Variants in ATG4A observed in about 807,000 individuals in gnomAD.
ATG4A encodes cysteine protease ATG4A.
Under a neutral mutation model 38.4 loss-of-function variants are expected in ATG4A, and 22 were observed. That is an observed-to-expected ratio of 0.57 (90% CI 0.41 to 0.82). The LOEUF is 0.82. Ranked by LOEUF, ATG4A falls within the 40% of genes least tolerant of loss-of-function variation. The pLI, the probability that ATG4A is intolerant of heterozygous loss-of-function variation, is 0.00. For synonymous variants in ATG4A, 86 were observed against 100.7 expected, an observed-to-expected ratio of 0.85 and a Z score of 0.88; for missense variants, 220 against 290.0, an observed-to-expected ratio of 0.76 and a Z score of 1.75.
rs1204358737 is a variant in ATG4A, at chrX:108,091,839, A to G, written c.10+3A>G. ...TGACAGCTGGAGAATGGAGTCAGGT[A>G]CGGGGAGCGGCTTTGAGTGGAACCG... On this transcript the variant is annotated splice_donor_region_variant and intron_variant, in intron 1 of 12. Coordinates refer to ENST00000372232, the MANE Select transcript of ATG4A (RefSeq NM_052936.5). 3.3e-6 allele frequency: 4 copies of G among 1,211,676 alleles called. No homozygotes were observed. Among genetic ancestry groups the G allele is most frequent in the Non-Finnish European group, 4.5e-6 (4 of 895,504 alleles).
intron 4 of ATG4A, among the ~76,000 whole-genome samples, chrX:108,131,724 C>G (rs900139880): frequency 8.9e-6 from 1 of 111,793 alleles, no homozygotes; most frequent in Non-Finnish European, 1.9e-5. Context: ...TTCTTGACCT[C>G]ATTTAAGATA....
intron 2 of ATG4A, among the ~76,000 whole-genome samples, 197 bp from the exon 3 acceptor site, chrX:108,128,584 A>C (rs2147999394): frequency 8.9e-6 from 1 of 111,855 alleles, no homozygotes; most frequent in African/African-American, 3.2e-5. Context: ...CCAGTCAAAT[A>C]GCTCTGGTCA....
intron 1 of ATG4A, among the ~76,000 whole-genome samples, chrX:108,115,589 C>T (rs1376200038): frequency 8.9e-6 from 1 of 112,342 alleles, no homozygotes; most frequent in Admixed American, 9.4e-5. Context: ...CTTTTCATTG[C>T]TATGTAGCAT....
At chrX:108,150,695 A>G (rs768661562) in intron 10 of ATG4A, among the ~76,000 whole-genome samples, 1 of 112,521 alleles carries the variant, frequency 8.9e-6, no homozygotes, top group Admixed American at 9.3e-5. Context: ...CCCATTTATA[A>G]AACCATCAGA....
intron 1 of ATG4A, among the ~76,000 whole-genome samples, chrX:108,122,181 C>T (rs983034775): frequency 5.4e-5 from 6 of 112,053 alleles, no homozygotes; most frequent in Middle Eastern, 9.3e-3. Flanking sequence ...TTTTGTTAAG[C>T]CCTGTCAGAA....
intron 1 of ATG4A, among the ~76,000 whole-genome samples, chrX:108,119,560 A>G (rs1241885586): frequency 8.9e-6 from 1 of 111,865 alleles, no homozygotes; most frequent in Non-Finnish European, 1.9e-5. Context: ...AACCCCCTAT[A>G]TAGATTTCAC....
upstream of ATG4A, among the ~76,000 whole-genome samples, chrX:108,090,560 T>G (rs1366335342): frequency 8.9e-6 from 1 of 112,159 alleles, no homozygotes; most frequent in East Asian, 2.8e-4. Context: ...GAAAACAGTC[T>G]CTTGATTTCT....
At chrX:108,140,716 T>C (rs1021229569) in intron 9 of ATG4A, among the ~76,000 whole-genome samples, 5 of 101,217 alleles carry the variant, frequency 4.9e-5, no homozygotes, top group African/African-American at 1.8e-4. Flanking sequence ...AAATACATTG[T>C]ATATATAAAT....
At chrX:108,104,254 A>G (rs1018505593) in intron 1 of ATG4A, among the ~76,000 whole-genome samples, 4 of 112,564 alleles carry the variant, frequency 3.6e-5, no homozygotes, top group African/African-American at 1.3e-4. Flanking sequence ...AGTAAGATTT[A>G]TGCTTTCAAG....
Position 108,108,159 on chromosome X carries a change from C to CTTTTT in ATG4A, c.10+16339_10+16343dup, listed in dbSNP as rs35622417. Among the ~76,000 whole-genome samples, 3 of 65,763 alleles carry CTTTTT rather than the reference C, an allele frequency of 4.6e-5. 1 individual carries two copies. The highest frequency in any genetic ancestry group is 1.2e-4 in the African/African-American group (2 of 16,029). The allele number at this position is 65,763 out of a possible 115,157, so 57.1% of individuals were successfully genotyped here. A position where few individuals can be genotyped will look rare whatever the true frequency, so the allele number is the denominator to read the frequency against. On this transcript the variant is annotated intron_variant, in intron 1 of 12. Coordinates refer to ENST00000372232, the MANE Select transcript of ATG4A (RefSeq NM_052936.5). The stretch of plus-strand genomic sequence containing the variant: ...TAGAGATAGCCAGTTTTTTGAGGCA[C>CTTTTT]TTTTTTTTTTTTTTTTTTTTGCACC...
chrX:108,126,921 C>A, intron 2 of ATG4A: 1 of 401,977 alleles, frequency 2.5e-6, no homozygotes, highest in Non-Finnish European at 4.2e-6. Context: ...GAGGCCCTCA[C>A]TTAGCGTGGA....
intron 10 of ATG4A, among the ~76,000 whole-genome samples, chrX:108,150,892 A>C (rs1293864247): frequency 1.8e-5 from 2 of 112,286 alleles, no homozygotes. Flanking sequence ...AATCTTTCTG[A>C]GCCTCAGTCT....
intron 4 of ATG4A, among the ~76,000 whole-genome samples, chrX:108,132,404 G>A (rs770987468): frequency 1.6e-3 from 180 of 111,919 alleles, no homozygotes; most frequent in Non-Finnish European, 3.0e-3. Context: ...CAGAAGTATA[G>A]AAACATCGTT....
At chrX:108,152,265 C>T (rs560165307) in intron 11 of ATG4A, among the ~76,000 whole-genome samples, 2 of 111,576 alleles carry the variant, frequency 1.8e-5, no homozygotes, top group Non-Finnish European at 3.8e-5. Context: ...GACAAAGGCT[C>T]GCTCCGTCAC....
chrX:108,119,145 C>T lies in ATG4A; in HGVS notation c.11-6932C>T, dbSNP rs184208735. ...CTCCTAACACCCCATCCTGCCTCCA[C>T]GTACTACAGAACCATAAAAAACTCC... On this transcript the variant is annotated intron_variant, in intron 1 of 12. Transcript: ENST00000372232. 3.8e-4 allele frequency among the ~76,000 whole-genome samples: 42 copies of T among 111,700 alleles called. No homozygotes were observed. The East Asian group carries it at 9.1e-3, about 24-fold the overall frequency.
At chrX:108,141,007 T>C (rs1398371212) in intron 9 of ATG4A, among the ~76,000 whole-genome samples, 2 of 88,079 alleles carry the variant, frequency 2.3e-5, no homozygotes, top group African/African-American at 8.8e-5. Flanking sequence ...TACATATATA[T>C]ACGTATATAT....
At chrX:108,120,538 A>C (rs1272497127) in intron 1 of ATG4A, among the ~76,000 whole-genome samples, 1 of 112,514 alleles carries the variant, frequency 8.9e-6, no homozygotes, top group Admixed American at 9.4e-5. Flanking sequence ...AAAGGGAATA[A>C]GATTTTCAAA....
intron 2 of ATG4A, among the ~76,000 whole-genome samples, chrX:108,128,093 C>CTGTGT (rs2032850433): frequency 8.9e-6 from 1 of 112,125 alleles, no homozygotes; most frequent in African/African-American, 3.2e-5. Flanking sequence ...TCCACACAAA[C>CTGTGT]AAGCCAACCC....
chrX:108,115,317 A>C (rs1243921504), intron 1 of ATG4A, among the ~76,000 whole-genome samples: 2 of 111,141 alleles, frequency 1.8e-5, no homozygotes, highest in African/African-American at 3.3e-5. Flanking sequence ...AAAATGCACA[A>C]ATTTTAAGTG....
Sources: gnomAD v4.1 joint callset for allele counts (sites outside exome capture counted in the v4.1 genomes callset) on GRCh38, gnomAD v4.1.1 for gene constraint, MANE v1.5 for transcripts, NCBI Gene and HGNC (gene_info 2026-07-23, HGNC 2026-07-21) for gene names.